ABCB1: variants seen among roughly 807,000 people sequenced by gnomAD.
ABCB1 encodes the protein ATP binding cassette subfamily B member 1, also known as ATP-dependent translocase ABCB1.
Under a neutral mutation model 142.0 loss-of-function variants are expected in ABCB1, and 69 were observed. The observed-to-expected ratio is 0.49, with a 90% CI of 0.40 to 0.59. The LOEUF is 0.59. Among genes scored for constraint, ABCB1 ranks in the 20% least tolerant of loss-of-function variants. The pLI is 0.00. For synonymous variants in ABCB1, 532 were observed against 539.2 expected (o/e 0.99, Z 0.18); for missense variants, 1,326 against 1,554.7 (o/e 0.85, Z 2.47).
At chr7:87,529,303 C>G (rs1473686572) in intron 21 of ABCB1, among the ~76,000 whole-genome samples, 1 of 152,118 alleles carries the variant, frequency 6.6e-6, no homozygotes, top group Non-Finnish European at 1.5e-5. Flanking sequence ...GTATTTAGAG[C>G]TGTTAGAATG....
intron 13 of ABCB1, 66 bp downstream of exon 13, chr7:87,549,785 C>T: frequency 6.5e-7 from 1 of 1,546,352 alleles, no homozygotes; most frequent in Non-Finnish European, 8.9e-7. Context: ...TTCCTAACTT[C>T]CTGCATAGTA....
At chr7:87,589,805 GGAGAGAGAGAGAGA>G (rs370840500) in intron 3 of ABCB1, among the ~76,000 whole-genome samples, 2 of 105,366 alleles carry the variant, frequency 1.9e-5, no homozygotes, top group Non-Finnish European at 3.4e-5. Flanking sequence ...GAGAGAGAGA[GGAGAGAGAGAGAGA>G]GAGAGAGAGA....
intron 1 of ABCB1, among the ~76,000 whole-genome samples, chr7:87,663,327 C>T (rs896108357): frequency 6.6e-6 from 1 of 152,012 alleles, no homozygotes; most frequent in Non-Finnish European, 1.5e-5. Context: ...GTTTATTACC[C>T]ATTGACGCTA....
rs1402581576 is a variant in ABCB1 at position 87,536,499 on chromosome 7, A to G, written c.2440T>C (p.Leu814=). The change falls in exon 20 of 28, where the codon TTG becomes CTG. Residue 814 remains leucine (L), a synonymous_variant. Transcript: ENST00000622132. ...GCATCATTGGCGAGCCTGGTAGTCA[A>G]TGCTCCAGTGGTGTTTTTAGGGTCA... is the stretch of plus-strand genomic sequence containing the variant. ...FDDPKNTTGA[L]TTRLANDAAQ... 6.2e-7 allele frequency: 1 copy of G among 1,613,984 alleles called. No individual in the cohort carries two copies. Among genetic ancestry groups the G allele is most frequent in the African/African-American group, 1.3e-5 (1 of 75,030 alleles).
intron 14 of ABCB1, among the ~76,000 whole-genome samples, chr7:87,547,236 T>C (rs922589620): frequency 6.6e-6 from 1 of 151,706 alleles, no homozygotes; most frequent in Admixed American, 6.6e-5. Flanking sequence ...AAAGAAAAAA[T>C]ACACAAGGAA....
At chr7:87,555,071 G>A (rs2129741048) in intron 8 of ABCB1, among the ~76,000 whole-genome samples, 1 of 152,310 alleles carries the variant, frequency 6.6e-6, no homozygotes, top group East Asian at 1.9e-4. Context: ...AGTTAAAGGA[G>A]ATGATGTCTA....
chr7:87,550,589 T>C lies in ABCB1; in HGVS notation c.1114-11A>G. 6.2e-7 allele frequency: 1 copy of C among 1,610,860 alleles called. No individual in the cohort carries two copies. ...GTCAATACTTGGCTTCTAAACAGAA[T>C]CAAATTTTAAGAGATTACTAGGTTA... On this transcript the variant is annotated splice_polypyrimidine_tract_variant and intron_variant, in intron 10 of 27. Transcript: ENST00000622132.
intron 1 of ABCB1, among the ~76,000 whole-genome samples, chr7:87,643,218 C>T (rs1822625506): frequency 1.3e-5 from 2 of 151,890 alleles, no homozygotes; most frequent in Admixed American, 1.3e-4. Flanking sequence ...TGCTTTCTTC[C>T]TTTATTTTTA....
intron 1 of ABCB1, among the ~76,000 whole-genome samples, chr7:87,628,223 G>A (rs1158530689): frequency 3.3e-5 from 5 of 152,226 alleles, no homozygotes; most frequent in Non-Finnish European, 7.3e-5. Flanking sequence ...CTGCGAAAGC[G>A]AGCCCAGCGT....
At chr7:87,627,978 G>T (rs1366513920) in intron 1 of ABCB1, 1 of 152,428 alleles carries the variant, frequency 6.6e-6, no homozygotes, top group Non-Finnish European at 1.5e-5. Context: ...CTGGGAGGGC[G>T]TCAGGACAAA....
At chr7:87,627,384 C>T (rs1479507306) in intron 1 of ABCB1, among the ~76,000 whole-genome samples, 2 of 152,284 alleles carry the variant, frequency 1.3e-5, no homozygotes, top group Middle Eastern at 3.4e-3. Flanking sequence ...CCACTGAAGC[C>T]GTGAAATTTC....
chr7:87,656,765 A>T (rs1305991741), intron 1 of ABCB1, among the ~76,000 whole-genome samples: 2 of 152,170 alleles, frequency 1.3e-5, no homozygotes, highest in Non-Finnish European at 2.9e-5. Flanking sequence ...ATTATAGTTC[A>T]CCACTATTTT....
chr7:87,707,224 ATGAC>A (rs1016336532), intron 1 of ABCB1, among the ~76,000 whole-genome samples: 23 of 152,182 alleles, frequency 1.5e-4, no homozygotes, highest in African/African-American at 5.3e-4. Flanking sequence ...ACAAGATTGA[ATGAC>A]TGAAATCAAG....
rs9282565 is a variant in ABCB1 at position 87,585,559 on chromosome 7, G to T, written c.239C>A (p.Ala80Glu). 7 of 1,613,852 alleles carry T rather than the reference G, an allele frequency of 4.3e-6. No homozygotes were observed. The South Asian group carries it at 7.7e-5, about 18-fold the overall frequency. ...CAGATCTTCTAAATTTCCTGCATTT[G>T]CAAAGATATCTGTCATTTCTCCAAA... ...LVFGEMTDIFANAGNLEDLMS... is the reference protein window; with the variant it reads ...LVFGEMTDIFENAGNLEDLMS... Residue 80 changes from alanine to glutamate, a missense_variant, in exon 4 of 28, where the codon GCA becomes GAA. By Grantham distance (107) the Ala-to-Glu change is moderately radical. Coordinates refer to ENST00000622132, the MANE Select transcript of ABCB1 (RefSeq NM_001348946.2).
At chr7:87,688,946 A>G (rs1827745111) in intron 1 of ABCB1, among the ~76,000 whole-genome samples, 1 of 151,944 alleles carries the variant, frequency 6.6e-6, no homozygotes, top group Non-Finnish European at 1.5e-5. Flanking sequence ...ATTTTCATTC[A>G]CCAATTTAAA....
intron 4 of ABCB1, among the ~76,000 whole-genome samples, chr7:87,573,040 G>T (rs779221959): frequency 6.6e-6 from 1 of 152,148 alleles, no homozygotes; most frequent in African/African-American, 2.4e-5. Flanking sequence ...TTCGTATGCT[G>T]CTGATAAAAA....
intron 1 of ABCB1, among the ~76,000 whole-genome samples, chr7:87,693,180 G>GA (rs199701000): frequency 0.031 from 4,773 of 152,200 alleles, 73 homozygotes; most frequent in Middle Eastern, 0.048. Flanking sequence ...AGCAATTTCT[G>GA]AAAAATATAG....
At chr7:87,630,153 A>C (rs565031345) in intron 1 of ABCB1, among the ~76,000 whole-genome samples, 2 of 152,300 alleles carry the variant, frequency 1.3e-5, no homozygotes, top group African/African-American at 4.8e-5. Flanking sequence ...TCAGATGATG[A>C]TGAAACTTTT....
intron 1 of ABCB1, among the ~76,000 whole-genome samples, chr7:87,699,318 A>T (rs1828796802): frequency 2.0e-5 from 3 of 152,242 alleles, no homozygotes; most frequent in Admixed American, 2.0e-4. Flanking sequence ...CTAGACAACT[A>T]AAGAAAGTAT....
Sources: allele counts gnomAD v4.1 joint callset (sites outside exome capture counted in the v4.1 genomes callset), GRCh38; gene constraint gnomAD v4.1.1; transcripts MANE v1.5; gene names NCBI Gene and HGNC (gene_info 2026-07-23, HGNC 2026-07-21).